The following CX3CR1 variants were observed in gnomAD, a reference collection of about 807,000 sequenced individuals.
CX3CR1 encodes C-X3-C motif chemokine receptor 1.
For synonymous variants in CX3CR1, 168 were observed against 178.5 expected, an observed-to-expected ratio of 0.94 and a Z score of 0.47; for missense variants, 363 against 432.4, an observed-to-expected ratio of 0.84 and a Z score of 1.42.
intron 1 of CX3CR1, among the ~76,000 whole-genome samples, chr3:39,268,707 T>C (rs1195350052): frequency 6.6e-6 from 1 of 152,186 alleles, no homozygotes; most frequent in Non-Finnish European, 1.5e-5. Context: ...ACTCCCGAGA[T>C]TGAATCCTGC....
chr3:39,279,045 C>A (rs543899029), intron 1 of CX3CR1, among the ~76,000 whole-genome samples: 5 of 152,284 alleles, frequency 3.3e-5, no homozygotes, highest in East Asian at 3.9e-4. Flanking sequence ...ATAATCCCAG[C>A]TACTTGGGAG....
Position 39,266,498 on chromosome 3 carries a change from G to A in CX3CR1, c.12C>T (p.Phe4=), listed in dbSNP as rs369018912. MDQ[F]PESVTENFEY... is the part of the protein sequence containing the mutation. The stretch of plus-strand genomic sequence containing the variant: ...CAAAGTTTTCTGTCACTGATTCAGG[G>A]AACTGATCCATGGTGAAGGCCTGGA... The change falls in exon 2 of 2, where the codon TTC becomes TTT. Residue 4 remains phenylalanine (F), a synonymous_variant. Transcript: ENST00000399220. 6.2e-7 allele frequency: 1 copy of A among 1,613,838 alleles called. No homozygotes were observed. The highest frequency in any genetic ancestry group is 1.7e-5 in the Admixed American group (1 of 60,022).
At chr3:39,268,843 A>G (rs1362379293) in intron 1 of CX3CR1, among the ~76,000 whole-genome samples, 1 of 152,236 alleles carries the variant, frequency 6.6e-6, no homozygotes, top group Admixed American at 6.5e-5. Flanking sequence ...CACCTGGCAC[A>G]GTGTGTCACA....
chr3:39,270,409 A>T (rs147430997), intron 1 of CX3CR1, among the ~76,000 whole-genome samples: 17 of 152,362 alleles, frequency 1.1e-4, no homozygotes, highest in African/African-American at 3.8e-4. Context: ...ATCACTAGGG[A>T]CAGATCAAAG....
At chr3:39,275,639 C>T (rs920956435) in intron 1 of CX3CR1, among the ~76,000 whole-genome samples, 2 of 152,182 alleles carry the variant, frequency 1.3e-5, no homozygotes, top group African/African-American at 4.8e-5. Flanking sequence ...CTATAATGCT[C>T]TGCATATTTT....
chr3:39,290,465 A>T, the CX3CR1 span, among the ~76,000 whole-genome samples: 1 of 152,158 alleles, frequency 6.6e-6, no homozygotes, highest in Non-Finnish European at 1.5e-5. Context: ...TTCTTTTTTC[A>T]TATTAGGGAA....
chr3:39,285,399 T>C (rs1211252952), upstream of CX3CR1, among the ~76,000 whole-genome samples: 1 of 151,948 alleles, frequency 6.6e-6, no homozygotes, highest in Non-Finnish European at 1.5e-5. Flanking sequence ...AAAAGAAAAA[T>C]GGAAAGTTGG....
chr3:39,283,795 T>TTTTATATATA (rs1553606448), upstream of CX3CR1, among the ~76,000 whole-genome samples: 112 of 65,216 alleles, frequency 1.7e-3, 1 homozygote, highest in Non-Finnish European at 2.6e-3. Context: ...AAAAAAAAAA[T>TTTTATATATA]TATATATATA....
intron 1 of CX3CR1, among the ~76,000 whole-genome samples, chr3:39,269,885 G>A (rs1193733044): frequency 6.6e-6 from 1 of 152,254 alleles, no homozygotes; most frequent in Non-Finnish European, 1.5e-5. Context: ...GGAAAGAGCA[G>A]TACCAATATC....
rs1304563696 is a variant in CX3CR1, at chr3:39,265,965, A to C, written c.545T>G (p.Val182Gly). ...ENECLGDYPE[V>G]LQEIWPVLRN... ...GAGCACGGGCCAGATTTCCTGGAGGACCTCGGGGTAGTCACCAAGGCATTC... is the reference window on the plus strand; with the variant it reads ...GAGCACGGGCCAGATTTCCTGGAGGCCCTCGGGGTAGTCACCAAGGCATTC... Residue 182 changes from valine (V) to glycine (G), a missense_variant, in exon 2 of 2, where the codon GTC becomes GGC. Coordinates refer to ENST00000399220, the MANE Select transcript of CX3CR1 (RefSeq NM_001337.4). 6.2e-7 allele frequency: 1 copy of C among 1,613,992 alleles called. No homozygotes were observed. The highest frequency in any genetic ancestry group is 8.5e-7 in the Non-Finnish European group (1 of 1,180,034).
At chr3:39,278,880 GTT>G (rs2040868231) in intron 1 of CX3CR1, among the ~76,000 whole-genome samples, 1 of 151,832 alleles carries the variant, frequency 6.6e-6, no homozygotes, top group Non-Finnish European at 1.5e-5. Flanking sequence ...TGAAGACCAT[GTT>G]TTCCACCCAC....
intron 1 of CX3CR1, among the ~76,000 whole-genome samples, chr3:39,268,614 G>C (rs2040733492): frequency 6.6e-6 from 1 of 152,184 alleles, no homozygotes. Context: ...TCGAGAGGTG[G>C]CCAAATCCAG....
chr3:39,270,510 A>G (rs1435727446), intron 1 of CX3CR1, among the ~76,000 whole-genome samples: 1 of 152,256 alleles, frequency 6.6e-6, no homozygotes, highest in Non-Finnish European at 1.5e-5. Flanking sequence ...CAACAAAAAC[A>G]GGCAGATCTG....
chr3:39,285,361 A>C (rs1171319474), upstream of CX3CR1, among the ~76,000 whole-genome samples: 2 of 152,194 alleles, frequency 1.3e-5, no homozygotes, highest in Non-Finnish European at 2.9e-5. Context: ...CCTGGGTGAA[A>C]GAATGACTCC....
upstream of CX3CR1, among the ~76,000 whole-genome samples, chr3:39,284,068 AC>A (rs1467155840): frequency 6.6e-6 from 1 of 151,738 alleles, no homozygotes; most frequent in Non-Finnish European, 1.5e-5. Context: ...ATTTCATGTA[AC>A]CTACAAACAT....
At chr3:39,292,460 T>C in the CX3CR1 span, among the ~76,000 whole-genome samples, 1 of 152,206 alleles carries the variant, frequency 6.6e-6, no homozygotes, top group African/African-American at 2.4e-5. Flanking sequence ...TTCATACTCC[T>C]CATCTCTCAT....
chr3:39,277,154 C>A (rs561313950), intron 1 of CX3CR1, among the ~76,000 whole-genome samples: 78 of 152,280 alleles, frequency 5.1e-4, no homozygotes, highest in African/African-American at 1.8e-3. Context: ...TATGATACAG[C>A]TTTTCTTCCT....
chr3:39,284,722 CAG>C (rs1340537531), upstream of CX3CR1, among the ~76,000 whole-genome samples: 4 of 152,092 alleles, frequency 2.6e-5, no homozygotes, highest in Admixed American at 2.6e-4. Flanking sequence ...TTTCCATTTT[CAG>C]ATGATGAAAT....
chr3:39,281,686 G>C (rs147724093), upstream of CX3CR1: 10,552 of 1,598,006 alleles, frequency 6.6e-3, 44 homozygotes, highest in Non-Finnish European at 7.9e-3. Flanking sequence ...GCCTCCAGGG[G>C]TTCTCTCATC....
Sources: gnomAD v4.1 joint callset for allele counts (sites outside exome capture counted in the v4.1 genomes callset) on GRCh38, gnomAD v4.1.1 for gene constraint, MANE v1.5 for transcripts, NCBI Gene and HGNC (gene_info 2026-07-23, HGNC 2026-07-21) for gene names.